The following DYNC1I1 variants were observed in gnomAD, a reference collection of about 807,000 sequenced individuals.
DYNC1I1 encodes the protein cytoplasmic dynein 1 intermediate chain 1.
In DYNC1I1, 43 loss-of-function variants were observed where a neutral mutation model predicts 86.6. The observed-to-expected ratio is 0.50, with a 90% CI of 0.39 to 0.64. DYNC1I1 has a LOEUF of 0.64. DYNC1I1 is among the 30% of genes least tolerant of loss of function. DYNC1I1 has a pLI of 0.00. For missense variants in DYNC1I1, 604 were observed against 788.8 expected (o/e 0.77, Z 2.81); for synonymous variants, 262 against 283.7 (o/e 0.92, Z 0.77).
At chr7:96,095,763 C>T (rs562610681) in intron 16 of DYNC1I1, among the ~76,000 whole-genome samples, 6 of 152,052 alleles carry the variant, frequency 3.9e-5, no homozygotes, top group African/African-American at 1.4e-4. Context: ...TTATGGTTTT[C>T]GTGAGCTTGT....
chr7:95,843,282 T>G (rs925935597), intron 5 of DYNC1I1, among the ~76,000 whole-genome samples: 4 of 152,180 alleles, frequency 2.6e-5, no homozygotes, highest in Non-Finnish European at 5.9e-5. Context: ...GAGTTTTCTT[T>G]TGTGCAGATT....
At chr7:95,859,300 A>T (rs994594614) in intron 5 of DYNC1I1, among the ~76,000 whole-genome samples, 6 of 152,042 alleles carry the variant, frequency 3.9e-5, no homozygotes, top group Admixed American at 6.6e-5. Context: ...TTTGTCAGGC[A>T]GTTCATATAT....
chr7:95,786,801 AAGTGTCAC>A (rs1794159850), intron 1 of DYNC1I1, among the ~76,000 whole-genome samples: 1 of 152,074 alleles, frequency 6.6e-6, no homozygotes, highest in African/African-American at 2.4e-5. Flanking sequence ...CATTCCTGCA[AAGTGTCAC>A]AGTGTAGCAG....
intron 6 of DYNC1I1, among the ~76,000 whole-genome samples, chr7:95,949,787 A>G (rs910319202): frequency 6.6e-6 from 1 of 152,210 alleles, no homozygotes; most frequent in Admixed American, 6.5e-5. Flanking sequence ...CATCTGATTT[A>G]AATAATACTC....
chr7:96,101,490 A>G (rs576913201), downstream of DYNC1I1, among the ~76,000 whole-genome samples: 1 of 152,220 alleles, frequency 6.6e-6, no homozygotes, highest in South Asian at 2.1e-4. Flanking sequence ...CCCCAAAAGG[A>G]CCTATGGGCA....
intron 1 of DYNC1I1, among the ~76,000 whole-genome samples, chr7:95,793,820 G>C (rs1310630643): frequency 1.3e-5 from 2 of 152,164 alleles, no homozygotes; most frequent in Non-Finnish European, 2.9e-5. Flanking sequence ...TGTTTACTCA[G>C]TGCCTACTAT....
intron 1 of DYNC1I1, among the ~76,000 whole-genome samples, chr7:95,799,386 AAAG>A (rs1411590659): frequency 6.6e-6 from 1 of 152,084 alleles, no homozygotes; most frequent in Non-Finnish European, 1.5e-5. Context: ...CCCAGAAAAA[AAAG>A]AAGAAACTTA....
intron 10 of DYNC1I1, among the ~76,000 whole-genome samples, chr7:95,999,599 A>G (rs1323813723): frequency 7.9e-5 from 12 of 152,120 alleles, no homozygotes. Context: ...TCAGCTGCCC[A>G]GTGTTTGATT....
At position 95,772,646 on chromosome 7, in the gene DYNC1I1, C is replaced by G. The variant is rs1314492676; in HGVS notation, c.-137C>G. ...AGCGCGAGCCGAGCGGCCGGCGCAGCGTGAGACAGCACATCCTGCCCGCGC... is the reference window on the plus strand; with the variant it reads ...AGCGCGAGCCGAGCGGCCGGCGCAGGGTGAGACAGCACATCCTGCCCGCGC... On this transcript the variant is annotated 5_prime_UTR_variant, in exon 1 of 17. Coordinates refer to ENST00000447467, the MANE Select transcript of DYNC1I1 (RefSeq NM_001135556.2). 2 of 152,292 alleles carry G rather than the reference C, an allele frequency of 1.3e-5. No homozygotes were observed. The highest frequency in any genetic ancestry group is 1.5e-5 in the Non-Finnish European group (1 of 68,108). The allele number at this position is 152,292 out of a possible 1,614,324, so 9.4% of individuals were successfully genotyped here.
chr7:95,995,462 C>T (rs190956139), intron 9 of DYNC1I1, among the ~76,000 whole-genome samples: 67 of 152,152 alleles, frequency 4.4e-4, no homozygotes, highest in Non-Finnish European at 7.4e-4. Context: ...ATATAAAGAC[C>T]TGCATCTCAG....
At chr7:95,783,666 CA>C (rs1358751844) in intron 1 of DYNC1I1, among the ~76,000 whole-genome samples, 1 of 152,156 alleles carries the variant, frequency 6.6e-6, no homozygotes, top group Admixed American at 6.5e-5. Context: ...GTTACACAGA[CA>C]AAAACATTTC....
intron 16 of DYNC1I1, among the ~76,000 whole-genome samples, chr7:96,092,971 T>A (rs1790891825): frequency 6.6e-6 from 1 of 152,094 alleles, no homozygotes; most frequent in Non-Finnish European, 1.5e-5. Context: ...AGGTGAAGGT[T>A]ATGTGGTCTT....
At chr7:96,061,545 G>T (rs1042442126) in intron 14 of DYNC1I1, among the ~76,000 whole-genome samples, 2 of 152,032 alleles carry the variant, frequency 1.3e-5, no homozygotes, top group Non-Finnish European at 2.9e-5. Context: ...AGAGTTGGGC[G>T]GCAGTCATGC....
chr7:95,780,228 A>G (rs1479338496), intron 1 of DYNC1I1, among the ~76,000 whole-genome samples: 2 of 151,970 alleles, frequency 1.3e-5, no homozygotes, highest in East Asian at 1.9e-4. Flanking sequence ...TGATGACACA[A>G]TGTTATACAT....
intron 6 of DYNC1I1, among the ~76,000 whole-genome samples, chr7:95,913,670 ATCTT>A (rs1475797768): frequency 5.9e-5 from 9 of 152,194 alleles, no homozygotes; most frequent in African/African-American, 2.2e-4. Context: ...TCTCAGGTAT[ATCTT>A]TATTAACAGC....
At chr7:95,902,166 T>G (rs1468320332) in intron 6 of DYNC1I1, among the ~76,000 whole-genome samples, 1 of 152,166 alleles carries the variant, frequency 6.6e-6, no homozygotes, top group Non-Finnish European at 1.5e-5. Context: ...TCCCAAAAAA[T>G]AATTGTTTTT....
intron 1 of DYNC1I1, among the ~76,000 whole-genome samples, chr7:95,795,751 G>A (rs1794419753): frequency 6.6e-6 from 1 of 152,006 alleles, no homozygotes; most frequent in Non-Finnish European, 1.5e-5. Flanking sequence ...TGGAGGGTGG[G>A]AGTAGGGAGA....
intron 6 of DYNC1I1, among the ~76,000 whole-genome samples, chr7:95,944,136 G>A (rs1313780704): frequency 1.3e-5 from 2 of 151,990 alleles, no homozygotes; most frequent in East Asian, 1.9e-4. Flanking sequence ...CTGACAAAGG[G>A]CTAATATCCA....
chr7:95,990,647 C>G (rs1199070157), intron 9 of DYNC1I1, among the ~76,000 whole-genome samples: 2 of 152,040 alleles, frequency 1.3e-5, no homozygotes, highest in African/African-American at 4.8e-5. Flanking sequence ...CCTAACTTCT[C>G]TTGGCTTAAG....
Sources: gnomAD v4.1 joint callset for allele counts (sites outside exome capture counted in the v4.1 genomes callset) on GRCh38, gnomAD v4.1.1 for gene constraint, MANE v1.5 for transcripts, NCBI Gene and HGNC (gene_info 2026-07-23, HGNC 2026-07-21) for gene names.